The following RFC3 variants were observed in gnomAD, a reference collection of about 807,000 sequenced individuals.
RFC3 encodes A1 38 kDa subunit.
A neutral mutation model predicts 45.1 loss-of-function variants in RFC3; 41 were observed. The ratio of observed to expected loss-of-function variants is 0.91; its 90% CI spans 0.71 to 1.18. The LOEUF (loss-of-function observed/expected upper bound fraction) is 1.18. Among genes scored for constraint, RFC3 ranks in the 50% most tolerant of loss-of-function variants. The pLI is 0.00. For missense variants in RFC3, 423 were observed against 428.1 expected (o/e 0.99, Z 0.10); for synonymous variants, 149 against 144.0 (o/e 1.03, Z -0.25).
intron 8 of RFC3, chr13:33,835,487 TA>T: frequency 1.6e-6 from 1 of 619,736 alleles, no homozygotes; most frequent in Non-Finnish European, 3.1e-6. Flanking sequence ...GTAAGTGCTG[TA>T]AAGGAAATAC....
chr13:33,914,966 T>C (rs1411269056), intron 8 of RFC3, among the ~76,000 whole-genome samples: 3 of 152,174 alleles, frequency 2.0e-5, no homozygotes, highest in Admixed American at 6.5e-5. Flanking sequence ...CATTTTGATA[T>C]TCTTTTATGA....
chr13:33,935,727 G>A (rs1192346568), intron 8 of RFC3, among the ~76,000 whole-genome samples: 1 of 152,128 alleles, frequency 6.6e-6, no homozygotes, highest in East Asian at 1.9e-4. Context: ...TGTCACTCAT[G>A]AGCATGTTCT....
downstream of RFC3, among the ~76,000 whole-genome samples, chr13:33,970,056 TA>T (rs2083103761): frequency 6.6e-6 from 1 of 152,130 alleles, no homozygotes; most frequent in Non-Finnish European, 1.5e-5. Flanking sequence ...CAGCATCCTT[TA>T]GCCATTCTTC....
In RFC3 at chr13:33,952,564, G is replaced by A. The variant is rs2082997373; in HGVS notation, c.880-13523G>A. Among the ~76,000 whole-genome samples, 3 of 152,206 alleles carry A rather than the reference G, an allele frequency of 2.0e-5. 1 individual carries two copies. The South Asian group carries it at 6.2e-4, about 32-fold the overall frequency. On this transcript the variant is annotated intron_variant, in intron 8 of 8. Coordinates refer to the RFC3 transcript ENST00000434425. The stretch of plus-strand genomic sequence containing the variant: ...TAAGTAAGTAGGAATAAAGAATGCT[G>A]TTCACATACAGAGTTGGTGCTAAGT...
intron 8 of RFC3, among the ~76,000 whole-genome samples, chr13:33,869,321 A>C (rs576917688): frequency 3.1e-4 from 47 of 152,108 alleles, no homozygotes; most frequent in Non-Finnish European, 6.3e-4. Flanking sequence ...AGACTGATTC[A>C]TGGATAACAT....
At chr13:33,951,116 T>A (rs1325948737) in intron 8 of RFC3, among the ~76,000 whole-genome samples, 1 of 146,250 alleles carries the variant, frequency 6.8e-6, no homozygotes, top group Non-Finnish European at 1.5e-5. Flanking sequence ...TAAATCACTC[T>A]CTGGTTTTCT....
intron 8 of RFC3, among the ~76,000 whole-genome samples, chr13:33,878,168 T>A (rs1379837363): frequency 1.3e-5 from 2 of 152,238 alleles, no homozygotes; most frequent in South Asian, 4.1e-4. Context: ...TTATTATTGT[T>A]CCTGATCCCA....
chr13:33,844,204 G>T (rs1243115891), intron 8 of RFC3, among the ~76,000 whole-genome samples: 1 of 152,156 alleles, frequency 6.6e-6, no homozygotes, highest in Non-Finnish European at 1.5e-5. Context: ...CTATCATTTT[G>T]TAGCAGCAGT....
chr13:33,909,568 T>C (rs1297061345), intron 8 of RFC3, among the ~76,000 whole-genome samples: 1 of 152,072 alleles, frequency 6.6e-6, no homozygotes. Context: ...CTTCTTTACC[T>C]CTTCCTCTTT....
At chr13:33,869,023 G>T (rs1269064680) in intron 8 of RFC3, among the ~76,000 whole-genome samples, 1 of 152,214 alleles carries the variant, frequency 6.6e-6, no homozygotes, top group Non-Finnish European at 1.5e-5. Context: ...AAGGGCAGTG[G>T]CTAGTGTCAG....
At chr13:33,968,886 C>A (rs2083099589), downstream of RFC3, among the ~76,000 whole-genome samples, 1 of 152,178 alleles carries the variant, frequency 6.6e-6, no homozygotes, top group Admixed American at 6.5e-5. Flanking sequence ...GACAAATTGA[C>A]CGCATGGCAG....
At chr13:33,927,505 GGTGA>G (rs1448278002) in intron 8 of RFC3, among the ~76,000 whole-genome samples, 1 of 152,082 alleles carries the variant, frequency 6.6e-6, no homozygotes, top group Non-Finnish European at 1.5e-5. Flanking sequence ...CAGTGGATCT[GGTGA>G]GTGTTTTTGT....
chr13:33,965,463 C>T (rs1180211255), intron 8 of RFC3, among the ~76,000 whole-genome samples: 1 of 152,130 alleles, frequency 6.6e-6, no homozygotes, highest in East Asian at 1.9e-4. Context: ...GTAGGCTATC[C>T]TATGTAGCTT....
intron 8 of RFC3, among the ~76,000 whole-genome samples, chr13:33,878,496 T>C (rs1268720497): frequency 1.3e-5 from 2 of 152,158 alleles, no homozygotes; most frequent in East Asian, 3.9e-4. Flanking sequence ...ATCACTGAGC[T>C]TTCCAGCTTG....
At chr13:33,972,539 G>T in the RFC3 span, among the ~76,000 whole-genome samples, 4 of 152,152 alleles carry the variant, frequency 2.6e-5, no homozygotes, top group South Asian at 2.1e-4. Context: ...TTTGGAGTAG[G>T]AATGGAAGCT....
chr13:33,820,566 C>T (rs926670860), intron 1 of RFC3, among the ~76,000 whole-genome samples: 4 of 152,208 alleles, frequency 2.6e-5, no homozygotes, highest in Non-Finnish European at 4.4e-5. Context: ...TGGCTGCCTT[C>T]CTTTCCCTGT....
At chr13:33,853,204 T>C (rs779388163) in intron 8 of RFC3, among the ~76,000 whole-genome samples, 7 of 151,634 alleles carry the variant, frequency 4.6e-5, no homozygotes, top group Admixed American at 6.6e-5. Context: ...CCACAGACTT[T>C]TAAGACTCCC....
intron 8 of RFC3, among the ~76,000 whole-genome samples, chr13:33,942,121 T>G (rs1377800900): frequency 6.6e-6 from 1 of 152,100 alleles, no homozygotes; most frequent in Non-Finnish European, 1.5e-5. Flanking sequence ...ATTATAGCTG[T>G]TTTAAAGTGT....
intron 8 of RFC3, among the ~76,000 whole-genome samples, chr13:33,931,285 T>C (rs911375924): frequency 1.3e-5 from 2 of 152,164 alleles, no homozygotes; most frequent in Admixed American, 1.3e-4. Context: ...TCGTTTCATC[T>C]AAACCAGTGG....
Sources: allele counts gnomAD v4.1 joint callset (sites outside exome capture counted in the v4.1 genomes callset), GRCh38; gene constraint gnomAD v4.1.1; transcripts MANE v1.5; gene names NCBI Gene and HGNC (gene_info 2026-07-23, HGNC 2026-07-21).